The following CNTN5 variants were observed in gnomAD, a reference collection of about 807,000 sequenced individuals.
CNTN5 encodes the protein contactin 5.
CNTN5 carries 77 observed loss-of-function variants against 129.1 expected under a neutral mutation model. The ratio of observed to expected loss-of-function variants is 0.60; its 90% CI spans 0.50 to 0.72. The LOEUF (loss-of-function observed/expected upper bound fraction) is 0.72, where lower values mean the gene tolerates loss of function less well. CNTN5 is among the 30% of genes least tolerant of loss of function. CNTN5 has a pLI of 0.00. For synonymous variants in CNTN5, 509 were observed against 465.6 expected (o/e 1.09, Z -1.20); for missense variants, 1,478 against 1,328.8 (o/e 1.11, Z -1.75).
intron 13 of CNTN5, among the ~76,000 whole-genome samples, chr11:100,173,720 T>A (rs960306582): frequency 1.3e-5 from 2 of 152,100 alleles, no homozygotes; most frequent in Non-Finnish European, 2.9e-5. Context: ...ACATCACAGG[T>A]GTGCTTACAA....
chr11:99,535,642 G>A (rs1266380986), intron 2 of CNTN5, among the ~76,000 whole-genome samples: 9 of 152,188 alleles, frequency 5.9e-5, no homozygotes, highest in African/African-American at 1.9e-4. Flanking sequence ...TACTGATTTA[G>A]AGAGAAGTGT....
intron 1 of CNTN5, among the ~76,000 whole-genome samples, chr11:99,310,684 A>C (rs1865071641): frequency 6.6e-6 from 1 of 152,182 alleles, no homozygotes; most frequent in African/African-American, 2.4e-5. Flanking sequence ...TTCAATACAC[A>C]CTATAAACAT....
At chr11:99,125,050 G>A (rs1183082014) in intron 1 of CNTN5, among the ~76,000 whole-genome samples, 2 of 151,896 alleles carry the variant, frequency 1.3e-5, no homozygotes, top group Non-Finnish European at 2.9e-5. Flanking sequence ...AAAAAAGCTG[G>A]TACCAATCCT....
intron 1 of CNTN5, among the ~76,000 whole-genome samples, chr11:99,215,697 A>T (rs1488212612): frequency 6.6e-6 from 1 of 152,196 alleles, no homozygotes; most frequent in Non-Finnish European, 1.5e-5. Flanking sequence ...TCAGTACCTC[A>T]GAAAGGCAGC....
chr11:99,879,218 G>T (rs572679327), intron 6 of CNTN5, among the ~76,000 whole-genome samples: 4 of 152,092 alleles, frequency 2.6e-5, no homozygotes, highest in Non-Finnish European at 5.9e-5. Context: ...GATTACAGGC[G>T]TGATCCACCG....
At chr11:100,245,735 TGAAAA>T (rs1949827440) in intron 16 of CNTN5, among the ~76,000 whole-genome samples, 1 of 152,144 alleles carries the variant, frequency 6.6e-6, no homozygotes, top group Non-Finnish European at 1.5e-5. Context: ...TATGTAGTAA[TGAAAA>T]TCATGGAGTT....
At chr11:99,679,534 G>C (rs2134704637) in intron 3 of CNTN5, among the ~76,000 whole-genome samples, 1 of 152,186 alleles carries the variant, frequency 6.6e-6, no homozygotes, top group East Asian at 1.9e-4. Context: ...AGTTGCCACA[G>C]ACTGCACCCA....
chr11:99,275,967 T>C (rs1049729148), intron 1 of CNTN5, among the ~76,000 whole-genome samples: 4 of 151,578 alleles, frequency 2.6e-5, no homozygotes, highest in African/African-American at 9.7e-5. Context: ...AAAAAAAATC[T>C]ACCACAGGCA....
chr11:100,010,214 GTT>G (rs1218146340), intron 9 of CNTN5, among the ~76,000 whole-genome samples: 1 of 152,110 alleles, frequency 6.6e-6, no homozygotes, highest in African/African-American at 2.4e-5. Context: ...TGTGCTCAGT[GTT>G]TAAGTCCAGC....
intron 1 of CNTN5, among the ~76,000 whole-genome samples, chr11:99,233,865 G>A (rs2135736650): frequency 6.6e-6 from 1 of 152,206 alleles, no homozygotes; most frequent in Non-Finnish European, 1.5e-5. Context: ...AGAATGGTGT[G>A]AACCCGGAAG....
intron 6 of CNTN5, among the ~76,000 whole-genome samples, chr11:99,856,201 G>A (rs962336576): frequency 6.6e-6 from 1 of 152,068 alleles, no homozygotes; most frequent in Non-Finnish European, 1.5e-5. Context: ...CAGTATTTTG[G>A]GCAATTTCTA....
At chr11:100,284,771 T>G (rs761277029) in intron 18 of CNTN5, among the ~76,000 whole-genome samples, 1 of 152,246 alleles carries the variant, frequency 6.6e-6, no homozygotes, top group Non-Finnish European at 1.5e-5. Flanking sequence ...TCAAAGCTAC[T>G]GGTATAAATC....
chr11:99,072,632 A>G (rs1865385547), intron 1 of CNTN5, among the ~76,000 whole-genome samples: 1 of 152,066 alleles, frequency 6.6e-6, no homozygotes, highest in African/African-American at 2.4e-5. Flanking sequence ...TTCTTCCAGG[A>G]TGAATAATAC....
At chr11:99,925,223 G>A (rs1950033831) in intron 7 of CNTN5, among the ~76,000 whole-genome samples, 1 of 152,150 alleles carries the variant, frequency 6.6e-6, no homozygotes, top group African/African-American at 2.4e-5. Context: ...CAGAGGGAAG[G>A]AAAATAAAAT....
intron 8 of CNTN5, among the ~76,000 whole-genome samples, chr11:99,974,472 A>C (rs1428025502): frequency 6.6e-6 from 1 of 152,192 alleles, no homozygotes; most frequent in Non-Finnish European, 1.5e-5. Context: ...CCAGAAATCA[A>C]ATTTAAAGGG....
chr11:100,136,252 C>G (rs921448528), intron 13 of CNTN5, among the ~76,000 whole-genome samples: 9 of 77,312 alleles, frequency 1.2e-4, no homozygotes, highest in African/African-American at 2.1e-4. Flanking sequence ...TCAAGGCTGG[C>G]TATTTCAATC....
chr11:99,630,502 A>ACCC, intron 3 of CNTN5, among the ~76,000 whole-genome samples: 1 of 150,288 alleles, frequency 6.7e-6, no homozygotes, highest in East Asian at 2.0e-4. Flanking sequence ...ACCACCCCGC[A>ACCC]CCCCCATAGC....
Position 99,764,059 on chromosome 11 carries a change from A to G in CNTN5, c.56-55485A>G, listed in dbSNP as rs149609655. Reference sequence around the variant, plus strand: ...TATACTGGAAATGATATCATTAGCAATTATTTACATTTCTGTTGTAAAAAT... The same window carrying G: ...TATACTGGAAATGATATCATTAGCAGTTATTTACATTTCTGTTGTAAAAAT... On this transcript the variant is annotated intron_variant, in intron 3 of 24. Transcript: ENST00000524871. 3.9e-5 allele frequency among the ~76,000 whole-genome samples: 6 copies of G among 152,250 alleles called. No homozygotes were observed. The East Asian group carries it at 1.2e-3, about 29-fold the overall frequency.
chr11:100,214,405 T>C (rs1196782017), intron 15 of CNTN5, among the ~76,000 whole-genome samples: 2 of 152,086 alleles, frequency 1.3e-5, no homozygotes, highest in Non-Finnish European at 2.9e-5. Context: ...AATGAGTAAT[T>C]CTGTCTTTAC....
Sources: allele counts gnomAD v4.1 joint callset (sites outside exome capture counted in the v4.1 genomes callset), GRCh38; gene constraint gnomAD v4.1.1; transcripts MANE v1.5; gene names NCBI Gene and HGNC (gene_info 2026-07-23, HGNC 2026-07-21).